SCYL2: variants seen among roughly 807,000 people sequenced by gnomAD.
The protein encoded by SCYL2 is SCY1-like protein 2.
A neutral mutation model predicts 100.4 loss-of-function variants in SCYL2; 36 were observed. The ratio of observed to expected loss-of-function variants is 0.36; its 90% CI spans 0.27 to 0.47. SCYL2 has a LOEUF of 0.47. Ranked by LOEUF, SCYL2 falls within the 20% of genes least tolerant of loss-of-function variation. The pLI is 1.00. For synonymous variants in SCYL2, 330 were observed against 359.2 expected (o/e 0.92, Z 0.92); for missense variants, 902 against 1,083.9 (o/e 0.83, Z 2.36).
chr12:100,290,120 C>T (rs1446764040), intron 2 of SCYL2, among the ~76,000 whole-genome samples: 1 of 152,148 alleles, frequency 6.6e-6, no homozygotes, highest in Admixed American at 6.5e-5. Flanking sequence ...GTCACTTATT[C>T]TTCAGTGGTC....
chr12:100,338,982 A>G lies in SCYL2; in HGVS notation c.2600A>G (p.Gln867Arg), dbSNP rs1209784151. 1.9e-6 allele frequency: 3 copies of G among 1,614,028 alleles called. No homozygotes were observed. ...SQQKPNQWLN[Q>R]FVPPQGSPTM... Reference sequence around the variant, plus strand: ...CAGAAACCAAATCAGTGGCTTAATCAGTTTGTACCTCCTCAAGGTTCTCCA... The same window carrying G: ...CAGAAACCAAATCAGTGGCTTAATCGGTTTGTACCTCCTCAAGGTTCTCCA... Residue 867 changes from glutamine (Q) to arginine (R), a missense_variant, in exon 18 of 18, where the codon CAG becomes CGG. Gln to Arg is a conservative substitution (Grantham distance 43). Coordinates refer to ENST00000360820, the MANE Select transcript of SCYL2 (RefSeq NM_017988.6).
intron 4 of SCYL2, among the ~76,000 whole-genome samples, chr12:100,299,744 C>G (rs1342152536): frequency 6.6e-6 from 1 of 151,770 alleles, no homozygotes; most frequent in Non-Finnish European, 1.5e-5. Flanking sequence ...GAATATACCA[C>G]AGCTAGTCCA....
intron 11 of SCYL2, among the ~76,000 whole-genome samples, chr12:100,324,449 T>C (rs979835338): frequency 6.6e-6 from 1 of 152,198 alleles, no homozygotes; most frequent in African/African-American, 2.4e-5. Context: ...TAAAACTAGT[T>C]CTCTGGAGAT....
intron 4 of SCYL2, among the ~76,000 whole-genome samples, chr12:100,301,351 T>C (rs1241026497): frequency 6.6e-6 from 1 of 152,180 alleles, no homozygotes; most frequent in Non-Finnish European, 1.5e-5. Context: ...GATTATTAGT[T>C]TTTTTTTCAA....
chr12:100,339,949 C>G lies in SCYL2; in HGVS notation c.*777C>G, dbSNP rs1952332645. 6.6e-6 allele frequency: 1 copy of G among 152,514 alleles called. No homozygotes were observed. Among genetic ancestry groups the G allele is most frequent in the Non-Finnish European group, 1.5e-5 (1 of 68,014 alleles). 9.4% of individuals were successfully genotyped at this position (152,514 alleles called of 1,614,324 possible). A position where few individuals can be genotyped will look rare whatever the true frequency, so the allele number is the denominator to read the frequency against. On this transcript the variant is annotated 3_prime_UTR_variant, in exon 18 of 18. Transcript: ENST00000360820. The stretch of plus-strand genomic sequence containing the variant: ...TGTGCTGATTTGTTTGGATATTTGA[C>G]AAGGCACTCTGATGTGACTTCCCTG...
At position 100,291,527 on chromosome 12, in the gene SCYL2, A is replaced by G. The variant is rs752587664; in HGVS notation, c.202A>G (p.Lys68Glu). Residue 68 changes from lysine (K) to glutamate (E), a missense_variant, in exon 3 of 18, where the codon AAA becomes GAA. Transcript: ENST00000360820. ...GGAAGTGGCAGTTTTTGTCTTTGAT[A>G]AAAAACTGATTGACAAGTATCAAAA... ...KQEVAVFVFD[K>E]KLIDKYQKFE... The G allele has an allele frequency of 6.4e-7, 1 of 1,569,980 alleles. No homozygotes were observed. Among genetic ancestry groups the G allele is most frequent in the Non-Finnish European group, 8.6e-7 (1 of 1,162,648 alleles).
intron 3 of SCYL2, among the ~76,000 whole-genome samples, chr12:100,297,277 G>A (rs1038727180): frequency 6.6e-6 from 1 of 152,108 alleles, no homozygotes; most frequent in Non-Finnish European, 1.5e-5. Context: ...TTACAAATGG[G>A]TGAAGTGAGG....
chr12:100,325,768 G>A (rs1172150284), intron 11 of SCYL2, among the ~76,000 whole-genome samples: 1 of 151,932 alleles, frequency 6.6e-6, no homozygotes, highest in African/African-American at 2.4e-5. Flanking sequence ...ATATATCTCA[G>A]TAGAATGCAG....
At chr12:100,326,795 G>T (rs779853863) in intron 12 of SCYL2, 41 bp downstream of exon 12, 2 of 1,568,008 alleles carry the variant, frequency 1.3e-6, no homozygotes, top group Non-Finnish European at 1.7e-6. Flanking sequence ...ATTTTATCAT[G>T]CAAATAAATT....
intron 10 of SCYL2, among the ~76,000 whole-genome samples, chr12:100,321,166 C>T (rs942522818): frequency 6.6e-6 from 1 of 151,994 alleles, no homozygotes; most frequent in African/African-American, 2.4e-5. Context: ...ACAATTAACT[C>T]TCTTACATTT....
intron 4 of SCYL2, among the ~76,000 whole-genome samples, chr12:100,302,409 A>G (rs2096328937): frequency 6.6e-6 from 1 of 152,058 alleles, no homozygotes. Flanking sequence ...TTTCCTTTCC[A>G]TATTTAGTGC....
chr12:100,272,570 A>G (rs975162261), intron 1 of SCYL2, among the ~76,000 whole-genome samples: 1 of 152,148 alleles, frequency 6.6e-6, no homozygotes, highest in Non-Finnish European at 1.5e-5. Flanking sequence ...CTAAAAACCT[A>G]TTAGATATCT....
At chr12:100,293,249 A>T (rs1011728422) in intron 3 of SCYL2, among the ~76,000 whole-genome samples, 3 of 152,118 alleles carry the variant, frequency 2.0e-5, no homozygotes, top group Non-Finnish European at 2.9e-5. Context: ...ATGCTGCTGC[A>T]CCTGGCTTGC....
chr12:100,322,082 TA>T (rs903387696), intron 10 of SCYL2, among the ~76,000 whole-genome samples: 1 of 122,058 alleles, frequency 8.2e-6, no homozygotes, highest in African/African-American at 3.1e-5. Context: ...CCAAGAAAAC[TA>T]AAAAAAGGGC....
At chr12:100,329,385 AATATAT>A (rs1952180348) in intron 13 of SCYL2, 66 bp downstream of exon 13, 1 of 721,658 alleles carries the variant, frequency 1.4e-6, no homozygotes, top group African/African-American at 1.8e-5. Flanking sequence ...TAGATATATA[AATATAT>A]TACAAAGATT....
chr12:100,323,462 TGTAATATC>T (rs1433504866), intron 10 of SCYL2, 55 bp from the exon 11 acceptor site: 1 of 981,742 alleles, frequency 1.0e-6, no homozygotes, highest in Admixed American at 2.2e-5. Flanking sequence ...TGCAAAACTT[TGTAATATC>T]AGAGAGAAAA....
At position 100,310,966 on chromosome 12, in the gene SCYL2, ATTAT is replaced by A. The variant is rs566325102; in HGVS notation, c.481-76_481-73del. On this transcript the variant is annotated intron_variant, in intron 4 of 17. Coordinates refer to ENST00000360820, the MANE Select transcript of SCYL2 (RefSeq NM_017988.6). The stretch of plus-strand genomic sequence containing the variant: ...ACTTTTATTGTGAAGAGTAGCAATA[ATTAT>A]TATTTTTGTGAGACATTTTATTATA... 4.2e-4 allele frequency: 563 copies of A among 1,329,280 alleles called. 2 individuals are homozygous for A. Among genetic ancestry groups the A allele is most frequent in the Admixed American group, 4.0e-3 (142 of 35,718 alleles). 82.3% of individuals were successfully genotyped at this position (1,329,280 alleles called of 1,614,324 possible).
intron 2 of SCYL2, among the ~76,000 whole-genome samples, chr12:100,283,577 A>C (rs1478459304): frequency 6.6e-6 from 1 of 152,156 alleles, no homozygotes; most frequent in Non-Finnish European, 1.5e-5. Flanking sequence ...CAGTGCTGGG[A>C]TTACAGCGTG....
chr12:100,285,664 G>A (rs2096303729), intron 2 of SCYL2, among the ~76,000 whole-genome samples: 1 of 152,144 alleles, frequency 6.6e-6, no homozygotes, highest in Admixed American at 6.5e-5. Flanking sequence ...CTTTAAAAAT[G>A]TCTGATAGGT....
Sources: gnomAD v4.1 joint callset for allele counts (sites outside exome capture counted in the v4.1 genomes callset) on GRCh38, gnomAD v4.1.1 for gene constraint, MANE v1.5 for transcripts, NCBI Gene and HGNC (gene_info 2026-07-23, HGNC 2026-07-21) for gene names.